The following ABCG1 variants were observed in gnomAD, a reference collection of about 807,000 sequenced individuals.
ABCG1 encodes the protein ATP binding cassette subfamily G member 1, also known as ATP-binding cassette sub-family G member 1.
ABCG1 carries 29 observed loss-of-function variants against 69.2 expected under a neutral mutation model. The ratio of observed to expected loss-of-function variants is 0.42; its 90% CI spans 0.31 to 0.57. ABCG1 has a LOEUF of 0.57. Ranked by LOEUF, ABCG1 falls within the 20% of genes least tolerant of loss-of-function variation. The pLI is 0.15. For missense variants in ABCG1, 718 were observed against 898.1 expected, an observed-to-expected ratio of 0.80 and a Z score of 2.56; for synonymous variants, 370 against 374.8, an observed-to-expected ratio of 0.99 and a Z score of 0.15.
upstream of ABCG1, among the ~76,000 whole-genome samples, chr21:42,212,953 A>G (rs1006500866): frequency 2.6e-5 from 4 of 152,214 alleles, no homozygotes; most frequent in African/African-American, 4.8e-5. Context: ...TTGGCCTCCC[A>G]AAGTGCTGGG....
intron 2 of ABCG1, among the ~76,000 whole-genome samples, chr21:42,245,525 A>T (rs573038367): frequency 6.6e-6 from 1 of 152,344 alleles, no homozygotes; most frequent in East Asian, 1.9e-4. Context: ...AATCCAGTGC[A>T]GACCAGATGG....
At chr21:42,278,658 C>T (rs1191886783) in intron 5 of ABCG1, among the ~76,000 whole-genome samples, 1 of 152,152 alleles carries the variant, frequency 6.6e-6, no homozygotes, top group African/African-American at 2.4e-5. Flanking sequence ...AGAATTGAGG[C>T]GGGAGTTTCT....
At chr21:42,235,494 G>T (rs1055183373) in intron 2 of ABCG1, among the ~76,000 whole-genome samples, 1 of 152,200 alleles carries the variant, frequency 6.6e-6, no homozygotes, top group African/African-American at 2.4e-5. Context: ...GTGCCCAAAG[G>T]GGTCGGGAAC....
chr21:42,210,956 C>CTT, intron 2 of ABCG1, among the ~76,000 whole-genome samples: 1 of 147,408 alleles, frequency 6.8e-6, no homozygotes, highest in Non-Finnish European at 1.5e-5. Flanking sequence ...TCATTTCTTT[C>CTT]TTCTTTTTTT....
At chr21:42,206,208 G>C (rs2067541229) in intron 2 of ABCG1, among the ~76,000 whole-genome samples, 2 of 152,128 alleles carry the variant, frequency 1.3e-5, no homozygotes. Flanking sequence ...GAATTAGCCA[G>C]ACATGGTGGC....
chr21:42,210,663 A>G (rs911604124), intron 2 of ABCG1, among the ~76,000 whole-genome samples: 46 of 152,084 alleles, frequency 3.0e-4, no homozygotes, highest in African/African-American at 1.1e-3. Context: ...TTCCCCTGAA[A>G]CCATCTCTCA....
Position 42,260,275 on chromosome 21 carries a change from C to A in ABCG1, c.287-10795C>A, listed in dbSNP as rs140995242. ...CTAGGACCCAGCTTCCACCACGGAG[C>A]CGAATGGTGGCCCGGCTGGGGCCAG... On this transcript the variant is annotated intron_variant, in intron 2 of 14. Transcript: ENST00000398449. 1.2e-4 allele frequency: 171 copies of A among 1,475,800 alleles called. 2 individuals are homozygous for A. In the East Asian group the frequency reaches 3.2e-3, roughly 28 times the overall value. The allele number at this position is 1,475,800 out of a possible 1,614,324, so 91.4% of individuals were successfully genotyped here. A position where few individuals can be genotyped will look rare whatever the true frequency, so the allele number is the denominator to read the frequency against.
chr21:42,279,601 T>G (rs900441600), intron 5 of ABCG1, among the ~76,000 whole-genome samples: 1 of 152,202 alleles, frequency 6.6e-6, no homozygotes, highest in African/African-American at 2.4e-5. Context: ...CTTTAAGGTC[T>G]CTGAGCTCGA....
At chr21:42,292,930 A>C (rs1465902849) in intron 13 of ABCG1, among the ~76,000 whole-genome samples, 2 of 146,098 alleles carry the variant, frequency 1.4e-5, no homozygotes, top group Non-Finnish European at 3.0e-5. Flanking sequence ...CATACTACAC[A>C]CCACACACTA....
At chr21:42,272,374 C>T (rs1309544841) in intron 3 of ABCG1, among the ~76,000 whole-genome samples, 2 of 152,350 alleles carry the variant, frequency 1.3e-5, no homozygotes, top group Non-Finnish European at 1.5e-5. Context: ...CAGGATGGGG[C>T]CTTCAGACCT....
upstream of ABCG1, chr21:42,216,236 A>G: frequency 2.4e-6 from 1 of 417,122 alleles, no homozygotes; most frequent in Non-Finnish European, 4.8e-6. Flanking sequence ...AGTCTCAGGT[A>G]TGTCTTTATC....
At chr21:42,209,136 G>C (rs551964566) in intron 2 of ABCG1, among the ~76,000 whole-genome samples, 1 of 152,362 alleles carries the variant, frequency 6.6e-6, no homozygotes, top group Non-Finnish European at 1.5e-5. Context: ...CACTTGAACT[G>C]TGGCCTTTGG....
At chr21:42,237,125 TAG>T (rs2067988678) in intron 2 of ABCG1, among the ~76,000 whole-genome samples, 1 of 152,216 alleles carries the variant, frequency 6.6e-6, no homozygotes, top group Non-Finnish European at 1.5e-5. Flanking sequence ...TCATCTGGTT[TAG>T]AGAGGAAAAT....
intron 2 of ABCG1, among the ~76,000 whole-genome samples, chr21:42,267,888 G>C (rs62217180): frequency 5.1e-4 from 52 of 102,642 alleles, no homozygotes; most frequent in Non-Finnish European, 6.3e-4. Flanking sequence ...CTGTCTGGGT[G>C]TGGTCTGGGT....
rs866324798 is a variant in ABCG1, at chr21:42,291,115, C to T, written c.1417C>T (p.Leu473Phe). ...LTFPLEMGVF[L>F]REHLNYWYSL... ...AGTTCCCCTGGAGATGGGAGTCTTT[C>T]TTCGGGAACACCTGAACTACTGGTA... Residue 473 changes from leucine to phenylalanine, a missense_variant, in exon 12 of 15, where the codon CTT becomes TTT. This residue lies in a region of ABCG1 where 204 missense variants were observed against 323.8 expected (regional missense o/e 0.63). Transcript: ENST00000398449. The surrounding 1 kb of genome is among the most constrained non-coding windows in gnomAD (Gnocchi z 6.4). 6.2e-7 allele frequency: 1 copy of T among 1,614,134 alleles called. No individual in the cohort carries two copies. The highest frequency in any genetic ancestry group is 8.5e-7 in the Non-Finnish European group (1 of 1,179,976).
intron 13 of ABCG1, among the ~76,000 whole-genome samples, chr21:42,293,180 A>C (rs1166289237): frequency 1.5e-5 from 2 of 132,784 alleles, no homozygotes; most frequent in Non-Finnish European, 3.2e-5. Flanking sequence ...CTACACACAC[A>C]CCACACTACA....
chr21:42,258,716 G>A (rs1387621405), intron 2 of ABCG1, among the ~76,000 whole-genome samples: 1 of 152,174 alleles, frequency 6.6e-6, no homozygotes, highest in Non-Finnish European at 1.5e-5. Flanking sequence ...GCCTTCCTCT[G>A]CCTCTCAGGG....
chr21:42,212,757 A>G (rs2123476038), upstream of ABCG1, among the ~76,000 whole-genome samples: 1 of 149,754 alleles, frequency 6.7e-6, no homozygotes, highest in South Asian at 2.1e-4. Flanking sequence ...CCAGTGGCAC[A>G]ATCTCGGCTC....
intron 2 of ABCG1, among the ~76,000 whole-genome samples, chr21:42,252,876 C>A (rs929166648): frequency 1.3e-5 from 2 of 152,146 alleles, no homozygotes; most frequent in African/African-American, 4.8e-5. Flanking sequence ...ACATCATCCC[C>A]GCCCAGGTGG....
Sources: allele counts gnomAD v4.1 joint callset (sites outside exome capture counted in the v4.1 genomes callset), GRCh38; gene constraint gnomAD v4.1.1; regional missense constraint gnomAD v4.1.1; non-coding constraint Gnocchi (gnomAD v3.1); transcripts MANE v1.5; gene names NCBI Gene and HGNC (gene_info 2026-07-23, HGNC 2026-07-21).